MEGF8: variants seen among roughly 807,000 people sequenced by gnomAD.
MEGF8 encodes the protein multiple epidermal growth factor-like domains protein 8.
In MEGF8, 156 loss-of-function variants were observed where a neutral mutation model predicts 302.9. The observed-to-expected ratio is 0.52, with a 90% CI of 0.45 to 0.59. MEGF8 has a LOEUF of 0.59. Ranked by LOEUF, MEGF8 falls within the 20% of genes least tolerant of loss-of-function variation. MEGF8 has a pLI of 0.00. For synonymous variants in MEGF8, 1,621 were observed against 1,660.5 expected (o/e 0.98, Z 0.58); for missense variants, 3,345 against 3,964.5 (o/e 0.84, Z 4.20).
At chr19:42,328,075 G>C (rs1346356504) in intron 1 of MEGF8, among the ~76,000 whole-genome samples, 1 of 152,218 alleles carries the variant, frequency 6.6e-6, no homozygotes, top group African/African-American at 2.4e-5. Context: ...GCGGCAGAGC[G>C]AGACTCCATC....
intron 1 of MEGF8, among the ~76,000 whole-genome samples, chr19:42,331,280 G>A (rs2039050825): frequency 6.6e-6 from 1 of 152,196 alleles, no homozygotes; most frequent in Admixed American, 6.5e-5. Flanking sequence ...GCCATTGGCA[G>A]TGGTGGCTGA....
At position 42,336,923 on chromosome 19, in the gene MEGF8, G is replaced by C; in HGVS notation, c.1361G>C (p.Ser454Thr). The change falls in exon 7 of 42, where the codon AGT becomes ACT. Residue 454 changes from serine (S) to threonine (T), a missense_variant. Physicochemically the swap from Ser to Thr is moderately conservative, Grantham distance 58. Transcript: ENST00000251268. This position sits in a 1 kb window ranked among gnomAD's most constrained non-coding sequence, Gnocchi z 4.8. ...GPRERAFHTA[S>T]VLGNYMVVYG... ...AGGGAGCGAGCCTTCCACACAGCCA[G>C]TGTTCTGGGCAATTACATGGTGGTC... 6.2e-7 allele frequency: 1 copy of C among 1,613,884 alleles called. No individual in the cohort carries two copies. Among genetic ancestry groups the C allele is most frequent in the East Asian group, 2.2e-5 (1 of 44,876 alleles).
At chr19:42,327,860 C>T (rs970008573) in intron 1 of MEGF8, among the ~76,000 whole-genome samples, 3 of 152,154 alleles carry the variant, frequency 2.0e-5, no homozygotes, top group Non-Finnish European at 2.9e-5. Context: ...TTTGGGAGGC[C>T]GAGGCCGGCA....
In MEGF8 at chr19:42,360,831, G is replaced by A; in HGVS notation, c.5545G>A (p.Val1849Ile). The stretch of plus-strand genomic sequence containing the variant: ...GTCTGTGGCCCATGCTGTGGCAGCA[G>A]TCGGGAGCCGCCTGTATATCTCTGG... ...EESVAHAVAA[V>I]GSRLYISGGF... The change falls in exon 32 of 42, where the codon GTC becomes ATC. Residue 1849 changes from valine to isoleucine, a missense_variant. By Grantham distance (29) the Val-to-Ile change is conservative. Coordinates refer to ENST00000251268, the MANE Select transcript of MEGF8 (RefSeq NM_001271938.2). The A allele has an allele frequency of 1.9e-6, 3 of 1,609,456 alleles. 1 individual carries two copies.
rs748344812 is a variant in MEGF8, at chr19:42,335,184, G to A, written c.708G>A (p.Leu236=). 1 of 1,613,866 alleles carries A rather than the reference G, an allele frequency of 6.2e-7. No individual in the cohort carries two copies. Among genetic ancestry groups the A allele is most frequent in the African/African-American group, 1.3e-5 (1 of 74,916 alleles). ...SARIGAAGAF[L]SPPGLLAVFG... ...GTATTGGGGCAGCTGGCGCCTTCCTGTCCCCACCAGGGCTGCTGGCAGTTT... is the reference window on the plus strand; with the variant it reads ...GTATTGGGGCAGCTGGCGCCTTCCTATCCCCACCAGGGCTGCTGGCAGTTT... The change falls in exon 4 of 42, where the codon CTG becomes CTA. Residue 236 remains leucine, a synonymous_variant. Transcript: ENST00000251268.
Position 42,360,865 on chromosome 19 carries a change from G to C in MEGF8, c.5579G>C (p.Gly1860Ala). Reference sequence around the variant, plus strand: ...CGCCTGTATATCTCTGGGGGTTTCGGGGGAGTGGCCCTGGGCCGCCTGCTG... The same window carrying C: ...CGCCTGTATATCTCTGGGGGTTTCGCGGGAGTGGCCCTGGGCCGCCTGCTG... Reference protein sequence around the residue: ...GSRLYISGGFGGVALGRLLAL... With the variant: ...GSRLYISGGFAGVALGRLLAL... The change falls in exon 32 of 42, where the codon GGG becomes GCG. Residue 1860 changes from glycine to alanine, a missense_variant. By Grantham distance (60) the Gly-to-Ala change is moderately conservative. Coordinates refer to ENST00000251268, the MANE Select transcript of MEGF8 (RefSeq NM_001271938.2). 1.2e-6 allele frequency: 2 copies of C among 1,613,518 alleles called. No individual in the cohort carries two copies. The highest frequency in any genetic ancestry group is 1.7e-6 in the Non-Finnish European group (2 of 1,179,854).
chr19:42,366,154 G>A (rs1441758364), intron 35 of MEGF8, among the ~76,000 whole-genome samples: 1 of 152,174 alleles, frequency 6.6e-6, no homozygotes. Context: ...GGTGATACCT[G>A]TTATGATTTG....
At chr19:42,343,903 C>T (rs374202138) in intron 9 of MEGF8, 51 bp from the exon 10 acceptor site, 369 of 1,587,094 alleles carry the variant, frequency 2.3e-4, no homozygotes, top group Non-Finnish European at 2.9e-4. Flanking sequence ...GTCTGAGAGG[C>T]CTCCTCCTCC....
Position 42,375,822 on chromosome 19 carries a change from C to G in MEGF8, c.7585C>G (p.Pro2529Ala). The change falls in exon 42 of 42, where the codon CCC becomes GCC. Residue 2529 changes from proline (P) to alanine (A), a missense_variant. By Grantham distance (27) the Pro-to-Ala change is conservative. Coordinates refer to ENST00000251268, the MANE Select transcript of MEGF8 (RefSeq NM_001271938.2). The surrounding 1 kb of genome is among the most constrained non-coding windows in gnomAD (Gnocchi z 7.1). ...TGVHTVHIQP[P>A]PAPPPPPPPA... ...CGTCCATACTGTACACATCCAGCCA[C>G]CCCCAGCCCCACCACCTCCACCACC... 6.2e-7 allele frequency: 1 copy of G among 1,612,078 alleles called. No individual in the cohort carries two copies. Among genetic ancestry groups the G allele is most frequent in the Non-Finnish European group, 8.5e-7 (1 of 1,179,614 alleles).
rs1198679072 is a variant in MEGF8 at position 42,369,960 on chromosome 19, C to T, written c.6835-229C>T. On this transcript the variant is annotated intron_variant, in intron 38 of 41. Coordinates refer to ENST00000251268, the MANE Select transcript of MEGF8 (RefSeq NM_001271938.2). The surrounding 1 kb of genome is among the most constrained non-coding windows in gnomAD (Gnocchi z 5.7). ...GGGTGCTGCGCCAGGAGGACAGGCA[C>T]GTGGAGGAGGATTTGAGATAATGGA... 2.0e-5 allele frequency among the ~76,000 whole-genome samples: 3 copies of T among 152,170 alleles called. No homozygotes were observed. The highest frequency in any genetic ancestry group is 2.9e-5 in the Non-Finnish European group (2 of 68,024).
In MEGF8 at chr19:42,376,354, C is replaced by G; in HGVS notation, c.8117C>G (p.Pro2706Arg). ...PFAKVTVCFP[P>R]DPTAPASAWK... ...GCCAAGGTCACCGTCTGCTTCCCACCTGACCCTACTGCCCCGGCCTCCGCC... is the reference window on the plus strand; with the variant it reads ...GCCAAGGTCACCGTCTGCTTCCCACGTGACCCTACTGCCCCGGCCTCCGCC... Residue 2706 changes from proline (P) to arginine (R), a missense_variant, in exon 42 of 42, where the codon CCT becomes CGT. Coordinates refer to ENST00000251268, the MANE Select transcript of MEGF8 (RefSeq NM_001271938.2). This position sits in a 1 kb window ranked among gnomAD's most constrained non-coding sequence, Gnocchi z 8.2. The G allele has an allele frequency of 6.2e-7, 1 of 1,613,522 alleles. No individual in the cohort carries two copies. Among genetic ancestry groups the G allele is most frequent in the Non-Finnish European group, 8.5e-7 (1 of 1,179,820 alleles).
intron 23 of MEGF8, 26 bp from the exon 24 acceptor site, chr19:42,355,732 C>A: frequency 6.5e-7 from 1 of 1,541,426 alleles, no homozygotes. Context: ...GACTTTGCTA[C>A]CAGCCTCTGG....
intron 39 of MEGF8, 123 bp from the exon 40 acceptor site, chr19:42,370,577 AG>A (rs1338520662): frequency 7.9e-6 from 6 of 756,194 alleles, no homozygotes; most frequent in South Asian, 4.3e-5. Flanking sequence ...CTGAGGGAGG[AG>A]GGGGTGGGAG....
Position 42,352,372 on chromosome 19 carries a change from C to T in MEGF8, c.3266C>T (p.Ala1089Val), listed in dbSNP as rs749389938. The T allele has an allele frequency of 1.1e-5, 17 of 1,589,022 alleles. No homozygotes were observed. Among genetic ancestry groups the T allele is most frequent in the East Asian group, 2.3e-5 (1 of 43,558 alleles). Residue 1089 changes from alanine (A) to valine (V), a missense_variant, in exon 19 of 42, where the codon GCG becomes GTG. Transcript: ENST00000251268. The surrounding 1 kb of genome is among the most constrained non-coding windows in gnomAD (Gnocchi z 4.4). Reference sequence around the variant, plus strand: ...GGCCTGGCCCGGTGCCACCCGCGGGCGACCTGCCTGAACACGCCCCTCAGC... The same window carrying T: ...GGCCTGGCCCGGTGCCACCCGCGGGTGACCTGCCTGAACACGCCCCTCAGC... ...RLGLARCHPR[A>V]TCLNTPLSYE...
At position 42,336,244 on chromosome 19, in the gene MEGF8, C is replaced by T. The variant is rs749099841; in HGVS notation, c.1142C>T (p.Pro381Leu). 8.1e-6 allele frequency: 13 copies of T among 1,607,770 alleles called. No homozygotes were observed. Among genetic ancestry groups the T allele is most frequent in the African/African-American group, 2.7e-5 (2 of 74,918 alleles). The change falls in exon 6 of 42, where the codon CCG (proline) becomes CTG (leucine). Residue 381 changes from proline (P) to leucine (L), a missense_variant. Coordinates refer to ENST00000251268, the MANE Select transcript of MEGF8 (RefSeq NM_001271938.2). This position sits in a 1 kb window ranked among gnomAD's most constrained non-coding sequence, Gnocchi z 4.8. ...GGGGGCTATTGGGAGCAGGTGATTC[C>T]GGCAGGCGGACGGCCCCCTGCTGCC... ...TSGGYWEQVI[P>L]AGGRPPAATG...
At chr19:42,362,856 G>A (rs2039552491) in intron 34 of MEGF8, among the ~76,000 whole-genome samples, 192 bp from the exon 35 acceptor site, 2 of 149,630 alleles carry the variant, frequency 1.3e-5, no homozygotes, top group African/African-American at 4.9e-5. Flanking sequence ...AGGGGCTGGG[G>A]GCCTGGACTC....
At chr19:42,328,934 C>T (rs2039020907) in intron 1 of MEGF8, among the ~76,000 whole-genome samples, 1 of 151,818 alleles carries the variant, frequency 6.6e-6, no homozygotes, top group Non-Finnish European at 1.5e-5. Flanking sequence ...TTCACTGAGA[C>T]AGTGCTCAGG....
chr19:42,351,370 A>C lies in MEGF8; in HGVS notation c.2855+36A>C, dbSNP rs2039369921. On this transcript the variant is annotated intron_variant, in intron 16 of 41. Transcript: ENST00000251268. The surrounding 1 kb of genome is among the most constrained non-coding windows in gnomAD (Gnocchi z 5.6). ...CTGGGTGCAGGGAGTGGGTGGGTGG[A>C]TGTGCCTGGGGATGTGTGCTGGCTG... 6.4e-7 allele frequency: 1 copy of C among 1,569,406 alleles called. No individual in the cohort carries two copies. The highest frequency in any genetic ancestry group is 1.4e-5 in the African/African-American group (1 of 74,038).
Position 42,344,490 on chromosome 19 carries a change from A to G in MEGF8, c.1838A>G (p.Gln613Arg), listed in dbSNP as rs2039259951. ...LGLGRLLGDCQACLAFSSPTA... is the reference protein window; with the variant it reads ...LGLGRLLGDCRACLAFSSPTA... ...CTGGGCCGCCTCCTGGGTGACTGCC[A>G]GGCCTGCCTGGCCTTCAGCAGCCCC... The change falls in exon 11 of 42, where the codon CAG (glutamine) becomes CGG (arginine). Residue 613 changes from glutamine (Q) to arginine (R), a missense_variant. Gln to Arg is a conservative substitution (Grantham distance 43, BLOSUM62 1). Transcript: ENST00000251268. The surrounding 1 kb of genome is among the most constrained non-coding windows in gnomAD (Gnocchi z 4.5). The G allele has an allele frequency of 1.3e-6, 2 of 1,598,396 alleles. No homozygotes were observed. Among genetic ancestry groups the G allele is most frequent in the Non-Finnish European group, 1.7e-6 (2 of 1,179,316 alleles).
Sources: gnomAD v4.1 joint callset for allele counts (sites outside exome capture counted in the v4.1 genomes callset) on GRCh38, gnomAD v4.1.1 for gene constraint, Gnocchi (gnomAD v3.1) non-coding constraint, MANE v1.5 for transcripts, NCBI Gene and HGNC (gene_info 2026-07-23, HGNC 2026-07-21) for gene names.